The following GRID2 variants were observed in gnomAD, a reference collection of about 807,000 sequenced individuals.
GRID2 encodes glutamate receptor ionotropic, delta-2.
Under a neutral mutation model 114.8 loss-of-function variants are expected in GRID2, and 33 were observed. The ratio of observed to expected loss-of-function variants is 0.29; its 90% confidence interval spans 0.22 to 0.38. The LOEUF (loss-of-function observed/expected upper bound fraction) is 0.38. Ranked by LOEUF, GRID2 falls within the 10% of genes least tolerant of loss-of-function variation. The pLI, the probability that GRID2 is intolerant of heterozygous loss-of-function variation, is 1.00. For missense variants in GRID2, 1,184 were observed against 1,257.7 expected (o/e 0.94, Z 0.89); for synonymous variants, 505 against 449.9 (o/e 1.12, Z -1.55).
chr4:93,688,178 C>A (rs1295325640), intron 14 of GRID2, among the ~76,000 whole-genome samples: 2 of 151,844 alleles, frequency 1.3e-5, no homozygotes, highest in African/African-American at 4.8e-5. Context: ...AAATTGCTGT[C>A]TCAGAAAATA....
At position 92,542,867 on chromosome 4, in the gene GRID2, G is replaced by A. The variant is rs17019527; in HGVS notation, c.89-47264G>A. On this transcript the variant is annotated intron_variant, in intron 1 of 15. Coordinates refer to ENST00000282020, the MANE Select transcript of GRID2 (RefSeq NM_001510.4). The stretch of plus-strand genomic sequence containing the variant: ...AGAAGGTAATAATTGATTATAGTAC[G>A]TGTGGGTTCTAGTAGACCCTGTTCT... 5.5e-3 allele frequency among the ~76,000 whole-genome samples: 842 copies of A among 152,122 alleles called. 5 individuals carry two copies. Among genetic ancestry groups the A allele is most frequent in the African/African-American group, 0.019 (799 of 41,528 alleles).
chr4:93,283,415 A>T (rs977293036), intron 8 of GRID2, among the ~76,000 whole-genome samples: 3 of 152,094 alleles, frequency 2.0e-5, no homozygotes, highest in African/African-American at 7.2e-5. Context: ...TCTGCTCAAA[A>T]TGAGTTACCA....
At chr4:93,671,714 A>C (rs1724436673) in intron 14 of GRID2, among the ~76,000 whole-genome samples, 1 of 152,132 alleles carries the variant, frequency 6.6e-6, no homozygotes. Context: ...CACACATGTA[A>C]TCCCAAAACT....
At chr4:92,980,001 GA>G (rs1315346723) in intron 2 of GRID2, among the ~76,000 whole-genome samples, 7 of 152,080 alleles carry the variant, frequency 4.6e-5, no homozygotes, top group African/African-American at 1.7e-4. Flanking sequence ...TGTCTAGCAG[GA>G]GTCTTTTTAT....
rs140692055 is a variant in GRID2 at position 92,559,210 on chromosome 4, T to C, written c.89-30921T>C. Among the ~76,000 whole-genome samples the C allele has an allele frequency of 6.7e-3, 1,022 of 152,270 alleles. 9 individuals are homozygous for C. The highest frequency in any genetic ancestry group is 0.021 in the African/African-American group (891 of 41,572). ...ATGTAACATTTACTAATATAGATTTTAAAGCACATATAATTTGTATAGTTG... is the reference window on the plus strand; with the variant it reads ...ATGTAACATTTACTAATATAGATTTCAAAGCACATATAATTTGTATAGTTG... On this transcript the variant is annotated intron_variant, in intron 1 of 15. Coordinates refer to ENST00000282020, the MANE Select transcript of GRID2 (RefSeq NM_001510.4).
At chr4:92,322,132 A>G (rs1223072020) in intron 1 of GRID2, among the ~76,000 whole-genome samples, 1 of 152,178 alleles carries the variant, frequency 6.6e-6, no homozygotes, top group Non-Finnish European at 1.5e-5. Context: ...TTCCTGAAAG[A>G]TTTAGATTTA....
rs557206435 is a variant in GRID2 at position 92,521,104 on chromosome 4, T to C, written c.89-69027T>C. On this transcript the variant is annotated intron_variant, in intron 1 of 15. Transcript: ENST00000282020. ...AAAACTACCTCAATAAATAAATTTA[T>C]TGAGTTTAATATTTAAAATAAGAAA... 2.6e-5 allele frequency among the ~76,000 whole-genome samples: 4 copies of C among 152,066 alleles called. 1 individual carries two copies. The South Asian group carries it at 8.3e-4, about 31-fold the overall frequency.
intron 2 of GRID2, among the ~76,000 whole-genome samples, chr4:92,633,162 T>C (rs1286127953): frequency 6.6e-6 from 1 of 151,858 alleles, no homozygotes; most frequent in African/African-American, 2.4e-5. Context: ...ATTCTGAGCA[T>C]ATAATAAGTG....
At chr4:93,765,197 G>C (rs1295133092) in intron 14 of GRID2, among the ~76,000 whole-genome samples, 1 of 152,098 alleles carries the variant, frequency 6.6e-6, no homozygotes, top group Non-Finnish European at 1.5e-5. Flanking sequence ...AGACCATTCT[G>C]ATGGAATTTC....
In GRID2 at chr4:92,913,469, C is replaced by G. The variant is rs532128066; in HGVS notation, c.245-171526C>G. ...GGCACACATGTCTTTCAAGATTATC[C>G]TAAATATAACTTTTATCTGAACTCC... is the stretch of plus-strand genomic sequence containing the variant. On this transcript the variant is annotated intron_variant, in intron 2 of 15. Transcript: ENST00000282020. 2.6e-5 allele frequency among the ~76,000 whole-genome samples: 4 copies of G among 151,928 alleles called. No individual in the cohort carries two copies. The East Asian group carries it at 5.8e-4, about 22-fold the overall frequency.
chr4:93,544,778 G>GAA (rs11301946), intron 13 of GRID2, among the ~76,000 whole-genome samples: 7 of 117,352 alleles, frequency 6.0e-5, no homozygotes, highest in Admixed American at 5.7e-4. Flanking sequence ...ACTCCCTCTG[G>GAA]AAAAAAAAAA....
intron 8 of GRID2, among the ~76,000 whole-genome samples, chr4:93,252,296 T>C (rs1352224429): frequency 6.6e-6 from 1 of 151,990 alleles, no homozygotes; most frequent in East Asian, 1.9e-4. Flanking sequence ...TAGCCAGTTA[T>C]TTCAGCACCT....
intron 2 of GRID2, among the ~76,000 whole-genome samples, chr4:92,960,190 T>A (rs1209237635): frequency 1.3e-5 from 2 of 152,024 alleles, no homozygotes; most frequent in Admixed American, 1.3e-4. Flanking sequence ...CAGAATGTGG[T>A]TTACCTTGGT....
chr4:92,465,268 A>T (rs1347312122), intron 1 of GRID2, among the ~76,000 whole-genome samples: 1 of 138,598 alleles, frequency 7.2e-6, no homozygotes. Context: ...CAAAAAATAG[A>T]GAGTGAGATT....
chr4:93,329,455 C>T (rs1425771271), intron 8 of GRID2, among the ~76,000 whole-genome samples: 1 of 151,994 alleles, frequency 6.6e-6, no homozygotes, highest in Non-Finnish European at 1.5e-5. Context: ...TCTTTAGATT[C>T]AAGATCTGAG....
intron 8 of GRID2, among the ~76,000 whole-genome samples, chr4:93,353,594 T>G (rs1031762181): frequency 2.6e-5 from 4 of 151,700 alleles, no homozygotes; most frequent in Non-Finnish European, 4.4e-5. Flanking sequence ...TGTGAGAACA[T>G]GGAAAATGAT....
chr4:92,772,356 C>T (rs1404805506), intron 2 of GRID2, among the ~76,000 whole-genome samples: 3 of 151,940 alleles, frequency 2.0e-5, no homozygotes, highest in Non-Finnish European at 4.4e-5. Context: ...ACCTTCTTAC[C>T]TTTCTGTGTC....
chr4:92,346,596 C>T (rs1013703615), intron 1 of GRID2, among the ~76,000 whole-genome samples: 67 of 152,240 alleles, frequency 4.4e-4, no homozygotes, highest in Non-Finnish European at 1.2e-4. Context: ...GGTACTTGAA[C>T]TCAAGTAATC....
intron 2 of GRID2, among the ~76,000 whole-genome samples, chr4:92,818,566 A>G (rs193184551): frequency 3.2e-4 from 49 of 152,248 alleles, no homozygotes; most frequent in South Asian, 1.4e-3. Flanking sequence ...CTTGCTCGCA[A>G]ACTTATTAGC....
Sources: allele counts gnomAD v4.1 joint callset (sites outside exome capture counted in the v4.1 genomes callset), GRCh38; gene constraint gnomAD v4.1.1; transcripts MANE v1.5; gene names NCBI Gene and HGNC (gene_info 2026-07-23, HGNC 2026-07-21).